Variants in MYH10 observed in about 807,000 individuals in gnomAD.
The protein encoded by MYH10 is myosin-10.
Under a neutral mutation model 257.8 loss-of-function variants are expected in MYH10, and 55 were observed. That is an observed-to-expected ratio of 0.21 (90% CI 0.17 to 0.27). The LOEUF is 0.27. Ranked by LOEUF, MYH10 falls within the 10% of genes least tolerant of loss-of-function variation. MYH10 has a pLI of 1.00. For missense variants in MYH10, 1,631 were observed against 2,500.6 expected, an observed-to-expected ratio of 0.65 and a Z score of 7.42; for synonymous variants, 854 against 921.7, an observed-to-expected ratio of 0.93 and a Z score of 1.33.
Position 8,535,302 on chromosome 17 carries a change from C to CAT in MYH10, c.1894+83_1894+84dup. 7.4e-6 allele frequency: 7 copies of CAT among 943,200 alleles called. No individual in the cohort carries two copies. The highest frequency in any genetic ancestry group is 9.6e-6 in the Non-Finnish European group (6 of 627,534). The allele number at this position is 943,200 out of a possible 1,614,324, so 58.4% of individuals were successfully genotyped here. The stretch of plus-strand genomic sequence containing the variant: ...TTTAAAGTAAGAAGTTATATGTATC[C>CAT]ATATATATGTAAAAGAACCATCTAT... On this transcript the variant is annotated intron_variant, in intron 16 of 42. Coordinates refer to ENST00000360416, the MANE Select transcript of MYH10 (RefSeq NM_001256012.3). The surrounding 1 kb of genome is among the most constrained non-coding windows in gnomAD (Gnocchi z 4.3).
intron 14 of MYH10, among the ~76,000 whole-genome samples, chr17:8,541,456 A>G (rs1213613098): frequency 1.3e-5 from 2 of 152,354 alleles, no homozygotes; most frequent in Admixed American, 6.5e-5. Context: ...TAAGGAGTAC[A>G]GAACCAGATT....
rs1224755102 is a variant in MYH10 at position 8,475,741 on chromosome 17, C to T, written c.*63G>A. 1 of 1,555,840 alleles carries T rather than the reference C, an allele frequency of 6.4e-7. No individual in the cohort carries two copies. Among genetic ancestry groups the T allele is most frequent in the Non-Finnish European group, 8.7e-7 (1 of 1,147,034 alleles). ...GTAGCTTGCCAATTTCCGAAATCTG[C>T]AGGAGGCCCCGGGTGCATTCCTAAC... On this transcript the variant is annotated 3_prime_UTR_variant, in exon 43 of 43. Coordinates refer to ENST00000360416, the MANE Select transcript of MYH10 (RefSeq NM_001256012.3).
Position 8,621,392 on chromosome 17 carries a change from G to A in MYH10, c.345+1510C>T, listed in dbSNP as rs553949990. Among the ~76,000 whole-genome samples, 7 of 151,734 alleles carry A rather than the reference G, an allele frequency of 4.6e-5. No individual in the cohort carries two copies. In the South Asian group the frequency reaches 1.3e-3, roughly 27 times the overall value. ...ACCCAGACTCCCATTCCTACCGAAC[G>A]AGGACTCCAAAGACGGCCACTGAAT... On this transcript the variant is annotated intron_variant, in intron 2 of 42. Coordinates refer to ENST00000360416, the MANE Select transcript of MYH10 (RefSeq NM_001256012.3).
chr17:8,476,419 G>A (rs901332592), intron 42 of MYH10, among the ~76,000 whole-genome samples: 15 of 152,200 alleles, frequency 9.9e-5, no homozygotes, highest in Non-Finnish European at 1.9e-4. Context: ...TGAAACCTCC[G>A]CCGACCTGGT....
chr17:8,571,501 G>T (rs939272114), intron 6 of MYH10, among the ~76,000 whole-genome samples: 1 of 152,078 alleles, frequency 6.6e-6, no homozygotes, highest in Non-Finnish European at 1.5e-5. Flanking sequence ...GCCAGTCAGG[G>T]GCCAGGCGCG....
rs1189032814 is a variant in MYH10, at chr17:8,513,598, C to T, written c.2685G>A (p.Val895=). 3.7e-6 allele frequency: 6 copies of T among 1,614,070 alleles called. No individual in the cohort carries two copies. The African/African-American group carries it at 8.0e-5, about 22-fold the overall frequency. Residue 895 remains valine (V), a synonymous_variant, in exon 23 of 43, where the codon GTG becomes GTA. Transcript: ENST00000360416. ...CTTCCACCTTCGTCTGCTTCTCCTT[C>T]ACCTTCAACAGCTCTTCATCTTTGG... is the stretch of plus-strand genomic sequence containing the variant. ...LQAKDEELLK[V]KEKQTKVEGE... is the part of the protein sequence containing the mutation.
chr17:8,533,335 G>A (rs1597757300), intron 16 of MYH10, among the ~76,000 whole-genome samples: 1 of 152,122 alleles, frequency 6.6e-6, no homozygotes, highest in East Asian at 1.9e-4. Context: ...TACCATCCCA[G>A]CCTCATTTCC....
At chr17:8,484,577 AT>A (rs1207451270) in intron 36 of MYH10, among the ~76,000 whole-genome samples, 1 of 152,230 alleles carries the variant, frequency 6.6e-6, no homozygotes, top group Non-Finnish European at 1.5e-5. Context: ...AAATGCAAAA[AT>A]CTTCAACAGA....
At chr17:8,522,494 G>C (rs1369199205) in intron 17 of MYH10, among the ~76,000 whole-genome samples, 3 of 152,158 alleles carry the variant, frequency 2.0e-5, no homozygotes, top group Admixed American at 2.0e-4. Context: ...TCAAGGGTGT[G>C]GGTCAGAGCT....
intron 17 of MYH10, among the ~76,000 whole-genome samples, chr17:8,527,068 ACT>A (rs2081870165): frequency 6.6e-6 from 1 of 152,200 alleles, no homozygotes; most frequent in Admixed American, 6.5e-5. Flanking sequence ...TGAAAATGTC[ACT>A]GTTATAAACA....
chr17:8,486,728 A>ATTTTT (rs61627763), intron 36 of MYH10, among the ~76,000 whole-genome samples: 1 of 151,424 alleles, frequency 6.6e-6, no homozygotes, highest in African/African-American at 2.4e-5. Flanking sequence ...CCTACACCAT[A>ATTTTT]TTTTCCTTTA....
In MYH10 at chr17:8,475,863, C is replaced by T. The variant is rs1317908442; in HGVS notation, c.5965G>A (p.Asp1989Asn). ...LEGASLELSD[D>N]DTESKTSDVN... ...TCACTGGTCTTACTTTCTGTGTCATCGTCGGAGAGCTCCAGGGAAGCTCCT... is the reference window on the plus strand; with the variant it reads ...TCACTGGTCTTACTTTCTGTGTCATTGTCGGAGAGCTCCAGGGAAGCTCCT... The change falls in exon 43 of 43, where the codon GAT (aspartate) becomes AAT (asparagine). Residue 1989 changes from aspartate to asparagine, a missense_variant. Physicochemically the swap from Asp to Asn is conservative, Grantham distance 23. Around this residue, in one of 11 missense-constraint regions of MYH10, gnomAD observed 343 missense variants for 389.5 expected, o/e 0.88. Transcript: ENST00000360416. 8.7e-6 allele frequency: 14 copies of T among 1,614,078 alleles called. No individual in the cohort carries two copies. Among genetic ancestry groups the T allele is most frequent in the African/African-American group, 4.0e-5 (3 of 74,918 alleles).
intron 38 of MYH10, among the ~76,000 whole-genome samples, chr17:8,481,046 C>T (rs1913675916): frequency 1.8e-5 from 1 of 56,204 alleles, no homozygotes; most frequent in African/African-American, 5.7e-5. Context: ...TGAAGGCCTG[C>T]AGTGCCCGTT....
intron 21 of MYH10, among the ~76,000 whole-genome samples, chr17:8,516,497 A>C (rs1171202879): frequency 1.3e-5 from 2 of 152,394 alleles, no homozygotes; most frequent in East Asian, 3.9e-4. Context: ...GCTGGCTTAC[A>C]TATAAGATTA....
intron 2 of MYH10, among the ~76,000 whole-genome samples, chr17:8,610,292 A>AAAAAAAAAAAAAAAAT (rs61107083): frequency 6.8e-6 from 1 of 147,390 alleles, no homozygotes. Flanking sequence ...AAAAAAAAAA[A>AAAAAAAAAAAAAAAAT]GGGTTGGGGG....
intron 2 of MYH10, among the ~76,000 whole-genome samples, chr17:8,613,566 T>C (rs1007439100): frequency 1.3e-5 from 2 of 151,916 alleles, no homozygotes; most frequent in Admixed American, 1.3e-4. Context: ...ACTAAAAGAA[T>C]AGCTAAGCAA....
At chr17:8,515,928 C>T (rs769132560) in intron 21 of MYH10, among the ~76,000 whole-genome samples, 6 of 152,342 alleles carry the variant, frequency 3.9e-5, no homozygotes, top group Non-Finnish European at 8.8e-5. Context: ...TAAGCATCCA[C>T]CTTCCAATTC....
In MYH10 at chr17:8,518,552, G is replaced by A. The variant is rs981631573; in HGVS notation, c.2504+79C>T. The A allele has an allele frequency of 1.4e-5, 21 of 1,457,828 alleles. No individual in the cohort carries two copies. In the African/African-American group the frequency reaches 2.7e-4, roughly 19 times the overall value. 90.3% of individuals were successfully genotyped at this position (1,457,828 alleles called of 1,614,324 possible). A position where few individuals can be genotyped will look rare whatever the true frequency, so the allele number is the denominator to read the frequency against. On this transcript the variant is annotated intron_variant, in intron 21 of 42. Coordinates refer to ENST00000360416, the MANE Select transcript of MYH10 (RefSeq NM_001256012.3). Reference sequence around the variant, plus strand: ...GACAGACTATGTCTCACACACTCTTGCACCCCAGGTCAAAATGCAATGCTT... The same window carrying A: ...GACAGACTATGTCTCACACACTCTTACACCCCAGGTCAAAATGCAATGCTT...
chr17:8,530,016 A>C (rs889874995), intron 17 of MYH10, among the ~76,000 whole-genome samples: 1 of 152,192 alleles, frequency 6.6e-6, no homozygotes, highest in African/African-American at 2.4e-5. Flanking sequence ...TTTAGTCTCA[A>C]CTTGCACATA....
Sources: allele counts gnomAD v4.1 joint callset (sites outside exome capture counted in the v4.1 genomes callset), GRCh38; gene constraint gnomAD v4.1.1; regional missense constraint gnomAD v4.1.1; non-coding constraint Gnocchi (gnomAD v3.1); transcripts MANE v1.5; gene names NCBI Gene and HGNC (gene_info 2026-07-23, HGNC 2026-07-21).